GRK6: variants seen among roughly 807,000 people sequenced by gnomAD.
GRK6 encodes the protein G protein-coupled receptor kinase 6.
In GRK6, 37 loss-of-function variants were observed where a neutral mutation model predicts 80.8. The ratio of observed to expected loss-of-function variants is 0.46; its 90% CI spans 0.35 to 0.60. The LOEUF is 0.60. Among genes scored for constraint, GRK6 ranks in the 20% least tolerant of loss-of-function variants. The pLI is 0.00. For missense variants in GRK6, 560 were observed against 784.6 expected (o/e 0.71, Z 3.42); for synonymous variants, 295 against 320.9 (o/e 0.92, Z 0.86).
Position 177,436,143 on chromosome 5 carries a change from C to T in GRK6, c.1128C>T (p.Tyr376=), listed in dbSNP as rs553986214. 23 of 1,613,732 alleles carry T rather than the reference C, an allele frequency of 1.4e-5. No individual in the cohort carries two copies. The highest frequency in any genetic ancestry group is 8.8e-5 in the South Asian group (8 of 91,048). The change falls in exon 12 of 16, where the codon TAC becomes TAT. Residue 376 remains tyrosine (Y), a synonymous_variant. Transcript: ENST00000355472. ...PDWWALGCLL[Y]EMIAGQSPFQ... ...GGTGGGCGCTCGGCTGCCTCCTGTA[C>T]GAGATGATCGCAGGCCAGTCGCCCT... is the stretch of plus-strand genomic sequence containing the variant.
intron 1 of GRK6, among the ~76,000 whole-genome samples, chr5:177,427,585 G>C (rs1763725213): frequency 6.6e-6 from 1 of 152,158 alleles, no homozygotes; most frequent in South Asian, 2.1e-4. Flanking sequence ...GTAGCTCCTC[G>C]TGGCTCCCAC....
At position 177,433,696 on chromosome 5, in the gene GRK6, C is replaced by T. The variant is rs755791766; in HGVS notation, c.738+20C>T. 1.2e-6 allele frequency: 2 copies of T among 1,612,816 alleles called. No homozygotes were observed. Among genetic ancestry groups the T allele is most frequent in the Admixed American group, 1.7e-5 (1 of 59,990 alleles). On this transcript the variant is annotated intron_variant, in intron 8 of 15. Coordinates refer to ENST00000355472, the MANE Select transcript of GRK6 (RefSeq NM_001004106.3). ...TTTGTAGTAAGTACAGAAGGAGACT[C>T]TCCCTTCCCCTTGGCCACACTGGCG...
rs755136029 is a variant in GRK6 at position 177,432,805 on chromosome 5, C to T, written c.439C>T (p.Arg147Trp). ...PCKDLFQELT[R>W]LTHEYLSVAP... ...CAAAGACCTTTTCCAGGAACTCACC[C>T]GGTAAGCCTGTCCCTGCCCACAAGC... Residue 147 changes from arginine (R) to tryptophan (W), a missense_variant and splice_region_variant, in exon 5 of 16, where the codon CGG becomes TGG. By Grantham distance (101) the Arg-to-Trp change is moderately radical. This residue lies in a region of GRK6 where 189 missense variants were observed against 230.2 expected (regional missense o/e 0.82). Transcript: ENST00000355472. 18 of 1,607,340 alleles carry T rather than the reference C, an allele frequency of 1.1e-5. No homozygotes were observed. The highest frequency in any genetic ancestry group is 6.6e-5 in the South Asian group (6 of 90,582).
At chr5:177,438,095 G>T (rs570240839) in intron 13 of GRK6, among the ~76,000 whole-genome samples, 1 of 152,292 alleles carries the variant, frequency 6.6e-6, no homozygotes, top group East Asian at 1.9e-4. Flanking sequence ...GCGGCTGGGT[G>T]CGGTGGCTCA....
chr5:177,438,013 C>A (rs1039588681), intron 13 of GRK6, among the ~76,000 whole-genome samples: 1 of 152,186 alleles, frequency 6.6e-6, no homozygotes, highest in Non-Finnish European at 1.5e-5. Context: ...TAGTGGGAGA[C>A]ACACCCAAAC....
At position 177,442,611 on chromosome 5, in the gene GRK6, T is replaced by C. The variant is rs945989039; in HGVS notation, c.*821T>C. 2 of 152,754 alleles carry C rather than the reference T, an allele frequency of 1.3e-5. No homozygotes were observed. The highest frequency in any genetic ancestry group is 4.8e-5 in the African/African-American group (2 of 41,424). 9.5% of individuals were successfully genotyped at this position (152,754 alleles called of 1,614,324 possible). On this transcript the variant is annotated 3_prime_UTR_variant, in exon 16 of 16. Transcript: ENST00000355472. Reference sequence around the variant, plus strand: ...GACTCCCCTCATAACAATAGACACATGTGCCCAGCAATAATCCGCCCCTTC... The same window carrying C: ...GACTCCCCTCATAACAATAGACACACGTGCCCAGCAATAATCCGCCCCTTC...
At chr5:177,433,885 C>G in intron 8 of GRK6, 29 bp from the exon 9 acceptor site, 1 of 1,536,628 alleles carries the variant, frequency 6.5e-7, no homozygotes, top group East Asian at 2.3e-5. Context: ...GCAGCTCCTG[C>G]CTGAGGGCTC....
chr5:177,432,437 CAG>C (rs1398291372), intron 4 of GRK6, 127 bp downstream of exon 4: 2 of 972,962 alleles, frequency 2.1e-6, no homozygotes, highest in Non-Finnish European at 3.2e-6. Flanking sequence ...ACAGCCTGGA[CAG>C]AGAGTGCCCT....
At chr5:177,436,334 T>TGGG in intron 12 of GRK6, 53 bp downstream of exon 12, 1 of 1,556,030 alleles carries the variant, frequency 6.4e-7, no homozygotes, top group Non-Finnish European at 8.8e-7. Context: ...GATGCACCTT[T>TGGG]CCCTCCCTCC....
rs1763985277 is a variant in GRK6 at position 177,433,093 on chromosome 5, G to T, written c.441-54G>T. On this transcript the variant is annotated intron_variant, in intron 5 of 15. Coordinates refer to ENST00000355472, the MANE Select transcript of GRK6 (RefSeq NM_001004106.3). ...CGGGAGGCCTGGCCCAGCAAGCCAA[G>T]AGCCTGAGGTGTCAGGGGCTGGCGG... 5 of 1,491,132 alleles carry T rather than the reference G, an allele frequency of 3.4e-6. No homozygotes were observed. The South Asian group carries it at 5.7e-5, about 17-fold the overall frequency. The allele number at this position is 1,491,132 out of a possible 1,614,324, so 92.4% of individuals were successfully genotyped here. A position where few individuals can be genotyped will look rare whatever the true frequency, so the allele number is the denominator to read the frequency against.
rs760539387 is a variant in GRK6 at position 177,440,812 on chromosome 5, G to T, written c.1517G>T (p.Ser506Ile). 2 of 1,614,024 alleles carry T rather than the reference G, an allele frequency of 1.2e-6. No homozygotes were observed. The highest frequency in any genetic ancestry group is 2.2e-5 in the East Asian group (1 of 44,894). ...QDFYQKFATG[S>I]VPIPWQNEMV... Reference sequence around the variant, plus strand: ...TTCTACCAGAAGTTTGCCACAGGCAGTGTGCCCATCCCCTGGCAGAACGAG... The same window carrying T: ...TTCTACCAGAAGTTTGCCACAGGCATTGTGCCCATCCCCTGGCAGAACGAG... Residue 506 changes from serine (S) to isoleucine (I), a missense_variant, in exon 14 of 16, where the codon AGT becomes ATT. Around this residue, in one of 3 missense-constraint regions of GRK6, gnomAD observed 294 missense variants for 397.4 expected, o/e 0.74. Transcript: ENST00000355472.
chr5:177,429,384 G>A lies in GRK6; in HGVS notation c.53-1488G>A, dbSNP rs183094333. On this transcript the variant is annotated intron_variant, in intron 1 of 15. Transcript: ENST00000355472. The surrounding 1 kb of genome is among the most constrained non-coding windows in gnomAD (Gnocchi z 4.3). Reference sequence around the variant, plus strand: ...GCTGCTGCCTTGATGTGGCTGGGAGGGGGGAGGAGGAAGTAACTGAGGGTG... The same window carrying A: ...GCTGCTGCCTTGATGTGGCTGGGAGAGGGGAGGAGGAAGTAACTGAGGGTG... Among the ~76,000 whole-genome samples, 1 of 152,128 alleles carries A rather than the reference G, an allele frequency of 6.6e-6. No individual in the cohort carries two copies. Among genetic ancestry groups the A allele is most frequent in the Non-Finnish European group, 1.5e-5 (1 of 68,014 alleles).
chr5:177,435,254 C>T (rs1477562363), intron 11 of GRK6, 133 bp downstream of exon 11: 1 of 654,128 alleles, frequency 1.5e-6, no homozygotes, highest in African/African-American at 1.8e-5. Flanking sequence ...CGATGCTCCT[C>T]TTCTAGAGGT....
chr5:177,428,933 C>A lies in GRK6; in HGVS notation c.53-1939C>A, dbSNP rs1763778259. On this transcript the variant is annotated intron_variant, in intron 1 of 15. Coordinates refer to ENST00000355472, the MANE Select transcript of GRK6 (RefSeq NM_001004106.3). This position sits in a 1 kb window ranked among gnomAD's most constrained non-coding sequence, Gnocchi z 4.1. ...TGACGGCTTCTCAAGTGATCTGAGGCCCCAGGTGGGGTTTGGGAACCCTTG... is the reference window on the plus strand; with the variant it reads ...TGACGGCTTCTCAAGTGATCTGAGGACCCAGGTGGGGTTTGGGAACCCTTG... Among the ~76,000 whole-genome samples, 1 of 152,038 alleles carries A rather than the reference C, an allele frequency of 6.6e-6. No homozygotes were observed. The highest frequency in any genetic ancestry group is 1.5e-5 in the Non-Finnish European group (1 of 68,004).
intron 13 of GRK6, 112 bp downstream of exon 13, chr5:177,436,642 A>C (rs1405864849): frequency 2.0e-6 from 2 of 1,020,366 alleles, no homozygotes; most frequent in Non-Finnish European, 2.9e-6. Flanking sequence ...AAAACAATCT[A>C]GTGGCTTAGC....
At chr5:177,434,504 A>G (rs1764051742) in intron 9 of GRK6, among the ~76,000 whole-genome samples, 1 of 152,202 alleles carries the variant, frequency 6.6e-6, no homozygotes. Context: ...GGGCTGGGTA[A>G]GAGAGAACCC....
intron 1 of GRK6, 27 bp from the exon 2 acceptor site, chr5:177,430,845 A>G: frequency 6.2e-7 from 1 of 1,606,786 alleles, no homozygotes; most frequent in Non-Finnish European, 8.5e-7. Flanking sequence ...GTGGGACTCG[A>G]GACCCAGTGT....
chr5:177,426,318 C>G (rs1320931191), upstream of GRK6, among the ~76,000 whole-genome samples: 1 of 152,250 alleles, frequency 6.6e-6, no homozygotes, highest in Non-Finnish European at 1.5e-5. Flanking sequence ...CTTGAGATGA[C>G]GGACGTCTTC....
chr5:177,441,581 G>T (rs1193038308), intron 15 of GRK6, among the ~76,000 whole-genome samples, 156 bp from the exon 16 acceptor site: 8 of 152,146 alleles, frequency 5.3e-5, no homozygotes, highest in Admixed American at 5.2e-4. Flanking sequence ...CTGAGCTGCT[G>T]CTCCAGGCTC....
Sources: allele counts gnomAD v4.1 joint callset (sites outside exome capture counted in the v4.1 genomes callset), GRCh38; gene constraint gnomAD v4.1.1; regional missense constraint gnomAD v4.1.1; non-coding constraint Gnocchi (gnomAD v3.1); transcripts MANE v1.5; gene names NCBI Gene and HGNC (gene_info 2026-07-23, HGNC 2026-07-21).